PPP1R9A: variants seen among roughly 807,000 people sequenced by gnomAD.
The protein encoded by PPP1R9A is neurabin-1.
In PPP1R9A, 59 loss-of-function variants were observed where a neutral mutation model predicts 141.9. The ratio of observed to expected loss-of-function variants is 0.42; its 90% CI spans 0.34 to 0.52. The LOEUF (loss-of-function observed/expected upper bound fraction) is 0.52, where lower values mean the gene tolerates loss of function less well. Among genes scored for constraint, PPP1R9A ranks in the 20% least tolerant of loss-of-function variants. The pLI, the probability that PPP1R9A is intolerant of heterozygous loss-of-function variation, is 0.10. For missense variants in PPP1R9A, 1,444 were observed against 1,611.9 expected (o/e 0.90, Z 1.78); for synonymous variants, 500 against 569.7 (o/e 0.88, Z 1.74).
intron 5 of PPP1R9A, among the ~76,000 whole-genome samples, chr7:95,164,379 T>A: frequency 6.6e-6 from 1 of 152,204 alleles, no homozygotes. Flanking sequence ...TAATCCTTTA[T>A]AGTATTTTCT....
intron 2 of PPP1R9A, among the ~76,000 whole-genome samples, chr7:94,989,898 A>G (rs750241360): frequency 6.6e-6 from 1 of 152,124 alleles, no homozygotes; most frequent in Non-Finnish European, 1.5e-5. Flanking sequence ...ATGCATTTAT[A>G]TAATAAAGTA....
chr7:95,202,627 T>A (rs1789819697), intron 6 of PPP1R9A: 8 of 901,828 alleles, frequency 8.9e-6, no homozygotes, highest in Non-Finnish European at 1.1e-5. Flanking sequence ...TTCATGACAC[T>A]CGGGGGGTAT....
At chr7:95,159,939 A>AAAG (rs1554533982) in intron 4 of PPP1R9A, among the ~76,000 whole-genome samples, 2 of 141,588 alleles carry the variant, frequency 1.4e-5, no homozygotes, top group Non-Finnish European at 3.0e-5. Flanking sequence ...AAAAAAAAAA[A>AAAG]AAAGAAAGAA....
chr7:94,954,495 A>C (rs557189303), intron 2 of PPP1R9A, among the ~76,000 whole-genome samples: 1 of 152,052 alleles, frequency 6.6e-6, no homozygotes, highest in South Asian at 2.1e-4. Context: ...GCTTTCCTTG[A>C]AGGCCTCTTT....
chr7:94,923,054 A>G (rs915349904), intron 2 of PPP1R9A, among the ~76,000 whole-genome samples: 1 of 152,174 alleles, frequency 6.6e-6, no homozygotes, highest in African/African-American at 2.4e-5. Flanking sequence ...AAGAAAATGG[A>G]TGAACTTTTG....
chr7:95,203,487 A>G (rs1790023966), intron 6 of PPP1R9A, among the ~76,000 whole-genome samples, 178 bp from the exon 7 acceptor site: 1 of 152,198 alleles, frequency 6.6e-6, no homozygotes, highest in Admixed American at 6.5e-5. Flanking sequence ...TACTGTATCT[A>G]TAATACTGAG....
At chr7:95,274,009 A>C in intron 15 of PPP1R9A, 23 bp downstream of exon 15, 1 of 1,501,216 alleles carries the variant, frequency 6.7e-7, no homozygotes, top group Non-Finnish European at 9.1e-7. Context: ...CGATGTAAAA[A>C]GAAAGCCCTC....
At chr7:94,932,657 A>T (rs900587266) in intron 2 of PPP1R9A, among the ~76,000 whole-genome samples, 1 of 152,160 alleles carries the variant, frequency 6.6e-6, no homozygotes, top group Non-Finnish European at 1.5e-5. Flanking sequence ...ACAGTTCATG[A>T]ATTAAATTAA....
intron 2 of PPP1R9A, among the ~76,000 whole-genome samples, chr7:95,056,104 A>G (rs190344695): frequency 2.0e-5 from 3 of 152,268 alleles, no homozygotes; most frequent in Admixed American, 6.5e-5. Context: ...ACTATTAGCA[A>G]TATTAATTTC....
chr7:95,016,164 A>G (rs1040412648), intron 2 of PPP1R9A, among the ~76,000 whole-genome samples: 1 of 152,120 alleles, frequency 6.6e-6, no homozygotes, highest in Non-Finnish European at 1.5e-5. Flanking sequence ...ATCATATACA[A>G]TGGAATAATG....
At chr7:94,947,367 T>C (rs1796007725) in intron 2 of PPP1R9A, among the ~76,000 whole-genome samples, 5 of 152,162 alleles carry the variant, frequency 3.3e-5, no homozygotes. Flanking sequence ...CTAGCTTCTG[T>C]TGAAAATCTG....
At chr7:95,100,216 T>G (rs1415359685) in intron 2 of PPP1R9A, among the ~76,000 whole-genome samples, 13 of 152,140 alleles carry the variant, frequency 8.5e-5, no homozygotes, top group Middle Eastern at 3.4e-3. Context: ...CCCCGGGAGT[T>G]TGAGACCAGC....
At chr7:95,165,787 C>A (rs1308705432) in intron 5 of PPP1R9A, among the ~76,000 whole-genome samples, 2 of 151,978 alleles carry the variant, frequency 1.3e-5, no homozygotes, top group East Asian at 3.9e-4. Context: ...ACAGTGATTG[C>A]TGGGAGAAAA....
intron 2 of PPP1R9A, among the ~76,000 whole-genome samples, chr7:94,969,280 G>C (rs1163413179): frequency 4.6e-5 from 7 of 152,220 alleles, no homozygotes; most frequent in Non-Finnish European, 8.8e-5. Context: ...CATCTTTGTG[G>C]ATTTATCTAC....
At chr7:95,201,841 T>C (rs936992527) in intron 6 of PPP1R9A, among the ~76,000 whole-genome samples, 37 of 152,186 alleles carry the variant, frequency 2.4e-4, no homozygotes, top group Admixed American at 5.9e-4. Context: ...CCTGTGACAT[T>C]CCCTGCACCA....
intron 19 of PPP1R9A, among the ~76,000 whole-genome samples, chr7:95,289,590 A>G (rs1806022687): frequency 6.6e-6 from 1 of 152,234 alleles, no homozygotes; most frequent in African/African-American, 2.4e-5. Context: ...CTACAGGGAA[A>G]GAATGGCTAG....
At chr7:94,950,993 C>T (rs1480288050) in intron 2 of PPP1R9A, among the ~76,000 whole-genome samples, 2 of 152,100 alleles carry the variant, frequency 1.3e-5, no homozygotes, top group Non-Finnish European at 2.9e-5. Context: ...AGTGATCTGC[C>T]CACCTCAGCC....
chr7:95,249,131 T>C (rs779785451), intron 9 of PPP1R9A, among the ~76,000 whole-genome samples: 2 of 152,122 alleles, frequency 1.3e-5, no homozygotes, highest in Non-Finnish European at 2.9e-5. Context: ...TATCTATTCC[T>C]AAGAGTCCCT....
chr7:95,164,592 A>G (rs759556911), intron 5 of PPP1R9A, among the ~76,000 whole-genome samples: 20 of 151,990 alleles, frequency 1.3e-4, no homozygotes, highest in Non-Finnish European at 2.5e-4. Flanking sequence ...TCTCTTCTCA[A>G]ACCAGTATTA....
Sources: allele counts gnomAD v4.1 joint callset (sites outside exome capture counted in the v4.1 genomes callset), GRCh38; gene constraint gnomAD v4.1.1; transcripts MANE v1.5; gene names NCBI Gene and HGNC (gene_info 2026-07-23, HGNC 2026-07-21).